Variants in DOCK2 observed in about 807,000 individuals in gnomAD.
DOCK2 encodes dedicator of cytokinesis protein 2.
DOCK2 carries 87 observed loss-of-function variants against 248.9 expected under a neutral mutation model. The observed-to-expected ratio is 0.35, with a 90% CI of 0.29 to 0.42. The LOEUF (loss-of-function observed/expected upper bound fraction) is 0.42, where lower values mean the gene tolerates loss of function less well. DOCK2 is among the 10% of genes least tolerant of loss of function. The pLI is 1.00. For synonymous variants in DOCK2, 805 were observed against 821.6 expected, an observed-to-expected ratio of 0.98 and a Z score of 0.35; for missense variants, 1,747 against 2,300.2, an observed-to-expected ratio of 0.76 and a Z score of 4.92.
intron 9 of DOCK2, 80 bp downstream of exon 9, chr5:169,689,413 CAG>C (rs1760168712): frequency 3.4e-6 from 5 of 1,474,014 alleles, no homozygotes; most frequent in Non-Finnish European, 4.7e-6. Flanking sequence ...GTCAGGAGCT[CAG>C]GGTGAAGTGT....
intron 1 of DOCK2, among the ~76,000 whole-genome samples, chr5:169,645,233 CT>C (rs1169526055): frequency 2.5e-4 from 38 of 152,224 alleles, no homozygotes; most frequent in African/African-American, 8.9e-4. Context: ...AATAGTTGAA[CT>C]AATTTACATT....
chr5:169,819,920 C>G (rs1243591019), intron 26 of DOCK2, among the ~76,000 whole-genome samples: 1 of 152,212 alleles, frequency 6.6e-6, no homozygotes, highest in Non-Finnish European at 1.5e-5. Flanking sequence ...TCACTCCCAC[C>G]CTAATACTGC....
chr5:170,035,244 T>G (rs751731410), intron 35 of DOCK2, among the ~76,000 whole-genome samples: 3 of 152,204 alleles, frequency 2.0e-5, no homozygotes, highest in Non-Finnish European at 2.9e-5. Context: ...ATTCACCGTG[T>G]CATCCCACCT....
chr5:170,058,064 T>C (rs1055211997), intron 44 of DOCK2, among the ~76,000 whole-genome samples: 1 of 152,092 alleles, frequency 6.6e-6, no homozygotes, highest in African/African-American at 2.4e-5. Flanking sequence ...CATTTTATAG[T>C]TGGAAAAACT....
chr5:170,046,954 G>T (rs1354060991), intron 39 of DOCK2, among the ~76,000 whole-genome samples: 1 of 152,122 alleles, frequency 6.6e-6, no homozygotes, highest in Admixed American at 6.5e-5. Context: ...GATTCCTTCA[G>T]GGCCAACTGC....
At position 170,034,583 on chromosome 5, in the gene DOCK2, G is replaced by A. The variant is rs1228837412; in HGVS notation, c.3624+28G>A. On this transcript the variant is annotated intron_variant, in intron 35 of 51. Transcript: ENST00000520908. ...GCGTGGGGCTGGCGGGTCCAAGTCAGACCAGAACCCTGTGGGGGGGCTTGG... is the reference window on the plus strand; with the variant it reads ...GCGTGGGGCTGGCGGGTCCAAGTCAAACCAGAACCCTGTGGGGGGGCTTGG... 5 of 1,612,208 alleles carry A rather than the reference G, an allele frequency of 3.1e-6. No homozygotes were observed. In the Admixed American group the frequency reaches 6.7e-5, roughly 22 times the overall value.
chr5:169,865,559 G>A (rs1179090114), intron 27 of DOCK2, among the ~76,000 whole-genome samples: 2 of 152,184 alleles, frequency 1.3e-5, no homozygotes, highest in East Asian at 3.8e-4. Flanking sequence ...TCCATGAGGA[G>A]GATTTACTTA....
At chr5:169,933,431 G>T (rs1466654859) in intron 27 of DOCK2, among the ~76,000 whole-genome samples, 1 of 152,262 alleles carries the variant, frequency 6.6e-6, no homozygotes, top group Non-Finnish European at 1.5e-5. Flanking sequence ...GAGAGTGGCT[G>T]CTATAGAAGA....
At chr5:170,069,586 G>C (rs1222248183) in intron 46 of DOCK2, among the ~76,000 whole-genome samples, 1 of 152,122 alleles carries the variant, frequency 6.6e-6, no homozygotes, top group African/African-American at 2.4e-5. Context: ...AGGCCAATCT[G>C]ATAATAGAAG....
At chr5:169,691,859 A>AT (rs1760321920) in intron 9 of DOCK2, among the ~76,000 whole-genome samples, 2 of 126,534 alleles carry the variant, frequency 1.6e-5, no homozygotes, top group South Asian at 4.6e-4. Flanking sequence ...ATTTATTTTT[A>AT]TTTATTTTTT....
intron 28 of DOCK2, among the ~76,000 whole-genome samples, chr5:169,984,364 T>G (rs977242573): frequency 1.3e-5 from 2 of 152,152 alleles, no homozygotes; most frequent in African/African-American, 4.8e-5. Context: ...ATAACAATAC[T>G]CACCATCATC....
chr5:169,888,784 C>T (rs1773120168), intron 27 of DOCK2, among the ~76,000 whole-genome samples: 1 of 152,214 alleles, frequency 6.6e-6, no homozygotes, highest in African/African-American at 2.4e-5. Context: ...TCAGGATAGT[C>T]AGTGTTCACT....
At chr5:169,901,030 G>A (rs1008256529) in intron 27 of DOCK2, among the ~76,000 whole-genome samples, 2 of 152,148 alleles carry the variant, frequency 1.3e-5, no homozygotes, top group Non-Finnish European at 2.9e-5. Context: ...AAGTAAACAT[G>A]GATTTATAAA....
intron 50 of DOCK2, chr5:170,081,580 G>A (rs1229838733): frequency 6.2e-6 from 3 of 480,554 alleles, no homozygotes; most frequent in African/African-American, 5.8e-5. Context: ...TCCTGGGGAT[G>A]TCAGGGCTTT....
At chr5:170,015,520 G>A (rs975688607) in intron 32 of DOCK2, among the ~76,000 whole-genome samples, 1 of 152,132 alleles carries the variant, frequency 6.6e-6, no homozygotes, top group Admixed American at 6.5e-5. Context: ...AGCAAAGATC[G>A]GTGGATCTGT....
At chr5:170,052,459 G>A (rs1756953349) in intron 41 of DOCK2, among the ~76,000 whole-genome samples, 1 of 152,188 alleles carries the variant, frequency 6.6e-6, no homozygotes, top group African/African-American at 2.4e-5. Context: ...CAGGAGGCAG[G>A]TGCAAAAGAA....
At chr5:169,918,148 G>T (rs760041873) in intron 27 of DOCK2, among the ~76,000 whole-genome samples, 2 of 152,166 alleles carry the variant, frequency 1.3e-5, no homozygotes, top group Non-Finnish European at 2.9e-5. Flanking sequence ...TGCTTTGGAT[G>T]GCATTTGTTA....
chr5:169,728,441 C>T (rs262878), intron 22 of DOCK2, among the ~76,000 whole-genome samples: 16,698 of 151,966 alleles, frequency 0.11, 1,181 homozygotes, highest in South Asian at 0.21. Flanking sequence ...AAAAAAGGGT[C>T]CCACTGAAAG....
At chr5:170,035,840 T>C (rs1337508707) in intron 35 of DOCK2, among the ~76,000 whole-genome samples, 3 of 152,132 alleles carry the variant, frequency 2.0e-5, no homozygotes, top group Non-Finnish European at 4.4e-5. Flanking sequence ...AACCAGGATA[T>C]ACACCTGGTG....
Sources: allele counts gnomAD v4.1 joint callset (sites outside exome capture counted in the v4.1 genomes callset), GRCh38; gene constraint gnomAD v4.1.1; transcripts MANE v1.5; gene names NCBI Gene and HGNC (gene_info 2026-07-23, HGNC 2026-07-21).